Variants in PDK1 observed in about 807,000 individuals in gnomAD.
The protein encoded by PDK1 is pyruvate dehydrogenase kinase 1, also known as [Pyruvate dehydrogenase (acetyl-transferring)] kinase isozyme 1, mitochondrial.
A neutral mutation model predicts 54.2 loss-of-function variants in PDK1; 39 were observed. The ratio of observed to expected loss-of-function variants is 0.72; its 90% CI spans 0.56 to 0.94. The LOEUF (loss-of-function observed/expected upper bound fraction) is 0.94. PDK1 is among the 40% of genes least tolerant of loss of function. The pLI is 0.00. For synonymous variants in PDK1, 221 were observed against 207.1 expected, an observed-to-expected ratio of 1.07 and a Z score of -0.58; for missense variants, 552 against 566.0, an observed-to-expected ratio of 0.98 and a Z score of 0.25.
At chr2:172,705,732 G>C in the PDK1 span, among the ~76,000 whole-genome samples, 1 of 152,188 alleles carries the variant, frequency 6.6e-6, no homozygotes, top group Admixed American at 6.5e-5. Context: ...CAAATGTTAA[G>C]GATGGGATTA....
At chr2:172,660,668 T>C in the PDK1 span, among the ~76,000 whole-genome samples, 2 of 152,096 alleles carry the variant, frequency 1.3e-5, no homozygotes, top group Non-Finnish European at 2.9e-5. Flanking sequence ...ATGCTGCTTA[T>C]ATGTGACAGC....
the PDK1 span, among the ~76,000 whole-genome samples, chr2:172,672,140 G>A: frequency 1.3e-5 from 2 of 152,172 alleles, no homozygotes; most frequent in Non-Finnish European, 2.9e-5. Context: ...GAAGACAAAT[G>A]TAGATCCTTC....
the PDK1 span, among the ~76,000 whole-genome samples, chr2:172,653,099 C>A: frequency 6.6e-6 from 1 of 152,186 alleles, no homozygotes; most frequent in South Asian, 2.1e-4. Context: ...ACCAAAACAG[C>A]ATGGTACTGG....
the PDK1 span, among the ~76,000 whole-genome samples, chr2:172,634,317 G>A: frequency 7.2e-6 from 1 of 138,566 alleles, no homozygotes; most frequent in South Asian, 2.4e-4. Context: ...CTGTCGCCCA[G>A]GCTGGAGTGC....
At chr2:172,588,123 A>T (rs75156391) in intron 9 of PDK1, among the ~76,000 whole-genome samples, 1 of 152,222 alleles carries the variant, frequency 6.6e-6, no homozygotes, top group Non-Finnish European at 1.5e-5. Context: ...TCCTTCTCCA[A>T]TTCAGATACA....
chr2:172,622,307 ATC>A, the PDK1 span, among the ~76,000 whole-genome samples: 7 of 130,226 alleles, frequency 5.4e-5, no homozygotes, highest in African/African-American at 8.9e-5. Flanking sequence ...ATATGTTTAT[ATC>A]TCATATATTA....
At chr2:172,671,280 G>A in the PDK1 span, among the ~76,000 whole-genome samples, 65 of 151,034 alleles carry the variant, frequency 4.3e-4, no homozygotes, top group African/African-American at 1.5e-3. Flanking sequence ...ACTAAGACCC[G>A]TAAGATTTTG....
At chr2:172,666,105 C>A in the PDK1 span, among the ~76,000 whole-genome samples, 3 of 152,220 alleles carry the variant, frequency 2.0e-5, no homozygotes, top group Admixed American at 6.5e-5. Flanking sequence ...TTTTAGGTCT[C>A]TGTTGAGGGC....
chr2:172,576,210 G>T (rs1366381066), intron 8 of PDK1, among the ~76,000 whole-genome samples: 1 of 152,146 alleles, frequency 6.6e-6, no homozygotes, highest in African/African-American at 2.4e-5. Context: ...ACAGGCATGA[G>T]CCACCACGCC....
chr2:172,662,496 G>GTGTGTGTGTGTGTGTGTA, the PDK1 span, among the ~76,000 whole-genome samples: 8 of 146,560 alleles, frequency 5.5e-5, no homozygotes, highest in African/African-American at 1.9e-4. Context: ...TTAAAATCGT[G>GTGTGTGTGTGTGTGTGTA]TGTGTGTGTG....
intron 3 of PDK1, among the ~76,000 whole-genome samples, chr2:172,562,958 A>G (rs1558927559): frequency 1.3e-5 from 2 of 152,386 alleles, no homozygotes; most frequent in East Asian, 3.9e-4. Flanking sequence ...GACTGTCTTT[A>G]AAGTGAACAG....
At chr2:172,594,967 A>G (rs1690810140) in intron 10 of PDK1, among the ~76,000 whole-genome samples, 1 of 152,194 alleles carries the variant, frequency 6.6e-6, no homozygotes, top group Admixed American at 6.5e-5. Context: ...TGGAGGCCGG[A>G]GAAGACACAG....
At chr2:172,583,281 G>GTTTT (rs1175087926) in intron 8 of PDK1, among the ~76,000 whole-genome samples, 2,168 of 77,050 alleles carry the variant, frequency 0.028, 249 homozygotes, top group Non-Finnish European at 0.035. Flanking sequence ...AAGTTTTCTG[G>GTTTT]TTTTTTTTTT....
chr2:172,668,900 T>TAGAGAGAGAGAG, the PDK1 span, among the ~76,000 whole-genome samples: 2 of 78,750 alleles, frequency 2.5e-5, no homozygotes, highest in African/African-American at 9.5e-5. Context: ...CACACATATA[T>TAGAGAGAGAGAG]ATATATAGAG....
the PDK1 span, among the ~76,000 whole-genome samples, chr2:172,718,672 C>G: frequency 3.0e-4 from 46 of 152,104 alleles, no homozygotes; most frequent in African/African-American, 1.1e-3. Flanking sequence ...AAGGCAAGGT[C>G]TCATGGGGAA....
At chr2:172,712,298 C>A in the PDK1 span, among the ~76,000 whole-genome samples, 1 of 152,168 alleles carries the variant, frequency 6.6e-6, no homozygotes, top group African/African-American at 2.4e-5. Context: ...TCATGGGATC[C>A]TTAGGTTGTC....
the PDK1 span, among the ~76,000 whole-genome samples, chr2:172,662,970 G>A: frequency 1.3e-5 from 2 of 152,206 alleles, no homozygotes; most frequent in African/African-American, 4.8e-5. Flanking sequence ...AGTGCCTGAT[G>A]TGGGGACATA....
intron 8 of PDK1, among the ~76,000 whole-genome samples, chr2:172,575,536 A>T (rs1689531280): frequency 6.6e-6 from 1 of 152,198 alleles, no homozygotes; most frequent in Non-Finnish European, 1.5e-5. Context: ...AATATAAATA[A>T]TAGGCCAGGC....
chr2:172,671,817 T>C, the PDK1 span, among the ~76,000 whole-genome samples: 2 of 152,166 alleles, frequency 1.3e-5, no homozygotes, highest in African/African-American at 2.4e-5. Context: ...GCCCTTAGGA[T>C]ATCCCTAGCA....
Sources: allele counts gnomAD v4.1 joint callset (sites outside exome capture counted in the v4.1 genomes callset), GRCh38; gene constraint gnomAD v4.1.1; transcripts MANE v1.5; gene names NCBI Gene and HGNC (gene_info 2026-07-23, HGNC 2026-07-21).